Variants in GPC6 observed in about 807,000 individuals in gnomAD.
GPC6 encodes the protein glypican 6.
GPC6 carries 14 observed loss-of-function variants against 55.2 expected under a neutral mutation model. The observed-to-expected ratio is 0.25, with a 90% CI of 0.17 to 0.40. The LOEUF (loss-of-function observed/expected upper bound fraction) is 0.40. GPC6 is among the 10% of genes least tolerant of loss of function. The probability of loss-of-function intolerance (pLI) is 1.00; values close to 1 mark genes in which losing one functional copy is unlikely to be tolerated. For synonymous variants in GPC6, 278 were observed against 259.6 expected (o/e 1.07, Z -0.68); for missense variants, 641 against 708.5 (o/e 0.90, Z 1.08).
intron 2 of GPC6, among the ~76,000 whole-genome samples, chr13:93,604,649 G>A (rs1394657405): frequency 6.6e-6 from 1 of 151,796 alleles, no homozygotes; most frequent in Admixed American, 6.6e-5. Context: ...ATAAGACATA[G>A]CAACAATAGA....
chr13:93,955,271 AC>A (rs1232552116), intron 3 of GPC6, among the ~76,000 whole-genome samples: 1 of 151,492 alleles, frequency 6.6e-6, no homozygotes, highest in Admixed American at 6.6e-5. Context: ...ACACACACAC[AC>A]ACACACACAC....
intron 1 of GPC6, among the ~76,000 whole-genome samples, chr13:93,384,738 T>C (rs1875327587): frequency 6.6e-6 from 1 of 152,214 alleles, no homozygotes; most frequent in Non-Finnish European, 1.5e-5. Flanking sequence ...AATACACATG[T>C]CTATGAACAC....
At chr13:94,003,798 G>C (rs1049587874) in intron 3 of GPC6, among the ~76,000 whole-genome samples, 17 of 152,082 alleles carry the variant, frequency 1.1e-4, no homozygotes, top group African/African-American at 3.6e-4. Context: ...CCCTCAATGT[G>C]ACTCCAAATT....
Position 94,051,928 on chromosome 13 carries a change from A to T in GPC6, c.877+24034A>T, listed in dbSNP as rs1883961770. 3.3e-5 allele frequency among the ~76,000 whole-genome samples: 5 copies of T among 152,324 alleles called. No homozygotes were observed. The South Asian group carries it at 1.0e-3, about 32-fold the overall frequency. On this transcript the variant is annotated intron_variant, in intron 4 of 8. Transcript: ENST00000377047. ...TATGAAAGTGTTTTGATTCAACAATATTCAGTAAATATCTAGAGTGCCTGC... is the reference window on the plus strand; with the variant it reads ...TATGAAAGTGTTTTGATTCAACAATTTTCAGTAAATATCTAGAGTGCCTGC...
At chr13:93,323,851 G>C (rs1879544443) in intron 1 of GPC6, among the ~76,000 whole-genome samples, 1 of 152,170 alleles carries the variant, frequency 6.6e-6, no homozygotes, top group Admixed American at 6.5e-5. Context: ...AATTATGCCA[G>C]TTAGTACAAC....
intron 2 of GPC6, among the ~76,000 whole-genome samples, chr13:93,658,808 T>G (rs1187096077): frequency 6.6e-6 from 1 of 151,834 alleles, no homozygotes; most frequent in Non-Finnish European, 1.5e-5. Context: ...GGTATCTGTG[T>G]TCATGAAGGA....
intron 3 of GPC6, among the ~76,000 whole-genome samples, chr13:93,977,189 C>T (rs1880558638): frequency 6.6e-6 from 1 of 152,116 alleles, no homozygotes; most frequent in Admixed American, 6.6e-5. Context: ...GCACCCAAAA[C>T]TTGCTCACTG....
At chr13:93,737,721 T>C (rs558942583) in intron 2 of GPC6, among the ~76,000 whole-genome samples, 61 of 152,224 alleles carry the variant, frequency 4.0e-4, no homozygotes, top group African/African-American at 1.4e-3. Context: ...AAATATAATT[T>C]TTTATAAAAT....
At chr13:93,388,209 C>T (rs368231463) in intron 1 of GPC6, among the ~76,000 whole-genome samples, 1 of 152,268 alleles carries the variant, frequency 6.6e-6, no homozygotes, top group East Asian at 1.9e-4. Flanking sequence ...AAGCTTTTGA[C>T]CACTGCCTAA....
chr13:93,737,295 A>T (rs1157537357), intron 2 of GPC6, among the ~76,000 whole-genome samples: 1 of 152,202 alleles, frequency 6.6e-6, no homozygotes, highest in Non-Finnish European at 1.5e-5. Context: ...CCTTTAAAAT[A>T]AGAAGCCATA....
chr13:93,765,474 A>G (rs1885102894), intron 2 of GPC6, among the ~76,000 whole-genome samples: 1 of 142,848 alleles, frequency 7.0e-6, no homozygotes, highest in South Asian at 2.3e-4. Flanking sequence ...TATACTATTT[A>G]TATTATAAAC....
intron 1 of GPC6, among the ~76,000 whole-genome samples, chr13:93,417,527 T>C (rs1876744266): frequency 6.6e-6 from 1 of 152,098 alleles, no homozygotes; most frequent in African/African-American, 2.4e-5. Flanking sequence ...ACTGTTCCAG[T>C]CTGGTTCCTC....
At chr13:93,480,438 T>G (rs954264789) in intron 1 of GPC6, among the ~76,000 whole-genome samples, 1 of 152,130 alleles carries the variant, frequency 6.6e-6, no homozygotes, top group Non-Finnish European at 1.5e-5. Context: ...ATAAGATGAG[T>G]TTAAAAACCA....
chr13:93,240,397 T>G (rs1300452602), intron 1 of GPC6, among the ~76,000 whole-genome samples: 4 of 152,084 alleles, frequency 2.6e-5, no homozygotes, highest in African/African-American at 9.6e-5. Flanking sequence ...TTTTTATTAT[T>G]TATTTATTTA....
intron 4 of GPC6, among the ~76,000 whole-genome samples, chr13:94,155,676 C>T (rs1477453585): frequency 6.6e-6 from 1 of 152,132 alleles, no homozygotes; most frequent in Non-Finnish European, 1.5e-5. Flanking sequence ...GAGGATAACT[C>T]TTCTGATACG....
At chr13:94,272,015 G>GT (rs953569422) in intron 4 of GPC6, among the ~76,000 whole-genome samples, 27 of 151,664 alleles carry the variant, frequency 1.8e-4, no homozygotes, top group Admixed American at 5.9e-4. Context: ...GTCATATTGT[G>GT]TTTTTTTTAT....
chr13:93,874,510 T>C (rs1335428153), intron 3 of GPC6, among the ~76,000 whole-genome samples: 4 of 151,154 alleles, frequency 2.6e-5, no homozygotes, highest in Non-Finnish European at 5.9e-5. Context: ...CAGTCATGTT[T>C]TAAAGTTAGC....
At chr13:93,726,001 A>C (rs932845943) in intron 2 of GPC6, among the ~76,000 whole-genome samples, 1 of 151,960 alleles carries the variant, frequency 6.6e-6, no homozygotes, top group Non-Finnish European at 1.5e-5. Flanking sequence ...GTAGTGGCCC[A>C]ATTAAAGTTC....
intron 4 of GPC6, among the ~76,000 whole-genome samples, chr13:94,063,715 C>T (rs942720630): frequency 3.9e-5 from 6 of 152,158 alleles, no homozygotes; most frequent in African/African-American, 1.4e-4. Flanking sequence ...ATCAGGAAAA[C>T]ACTGATTCAG....
Sources: gnomAD v4.1 joint callset for allele counts (sites outside exome capture counted in the v4.1 genomes callset) on GRCh38, gnomAD v4.1.1 for gene constraint, MANE v1.5 for transcripts, NCBI Gene and HGNC (gene_info 2026-07-23, HGNC 2026-07-21) for gene names.